DCAF8L2: variants seen among roughly 807,000 people sequenced by gnomAD.
The protein encoded by DCAF8L2 is DDB1- and CUL4-associated factor 8-like protein 2.
For synonymous variants in DCAF8L2, 200 were observed against 190.9 expected (o/e 1.05, Z -0.39); for missense variants, 430 against 490.7 (o/e 0.88, Z 1.17).
intron 2 of DCAF8L2, among the ~76,000 whole-genome samples, chrX:27,653,437 G>A (rs1199404101): frequency 9.0e-6 from 1 of 110,829 alleles, no homozygotes; most frequent in Non-Finnish European, 1.9e-5. Context: ...GATCACCTAT[G>A]GTTATTTTTT....
the DCAF8L2 span, among the ~76,000 whole-genome samples, chrX:27,551,864 T>C: frequency 3.6e-5 from 4 of 112,069 alleles, no homozygotes; most frequent in Non-Finnish European, 5.6e-5. Context: ...GTTTAATTGT[T>C]GGATCATATG....
chrX:27,585,803 CCTTGTGGTT>C (rs200991660), upstream of DCAF8L2, among the ~76,000 whole-genome samples: 20 of 111,473 alleles, frequency 1.8e-4, no homozygotes, highest in East Asian at 5.7e-3. Context: ...TTTAAATGGT[CCTTGTGGTT>C]CTTACCTTCC....
intron 1 of DCAF8L2, among the ~76,000 whole-genome samples, chrX:27,606,410 G>A (rs1262389284): frequency 8.7e-5 from 6 of 69,034 alleles, no homozygotes; most frequent in African/African-American, 4.7e-4. Flanking sequence ...TCACTCTGTC[G>A]CCCAGGCTGG....
upstream of DCAF8L2, among the ~76,000 whole-genome samples, chrX:27,587,982 AAAAATAT>A (rs1246014816): frequency 0.11 from 3,771 of 33,102 alleles, 85 homozygotes; most frequent in South Asian, 0.3. Flanking sequence ...CATTAAAAAA[AAAAATAT>A]ATATATATAT....
intron 4 of DCAF8L2, among the ~76,000 whole-genome samples, chrX:27,732,227 C>G (rs942896193): frequency 9.0e-6 from 1 of 111,419 alleles, no homozygotes; most frequent in African/African-American, 3.3e-5. Context: ...CATAAGATCT[C>G]TGGAATTCTT....
chrX:27,609,838 A>T (rs1424775887), intron 1 of DCAF8L2, among the ~76,000 whole-genome samples: 12 of 111,786 alleles, frequency 1.1e-4, no homozygotes, highest in Non-Finnish European at 2.1e-4. Context: ...AACTTTAATT[A>T]TGTTGTCTGA....
the DCAF8L2 span, among the ~76,000 whole-genome samples, chrX:27,534,882 A>G: frequency 4.5e-5 from 5 of 111,525 alleles, no homozygotes; most frequent in African/African-American, 9.8e-5. Context: ...TTTCTTCTCA[A>G]TTTTCCATAG....
chrX:27,604,442 C>A (rs1312528358), intron 1 of DCAF8L2, among the ~76,000 whole-genome samples: 1 of 111,274 alleles, frequency 9.0e-6, no homozygotes, highest in African/African-American at 3.3e-5. Flanking sequence ...CTGTTACTGT[C>A]TCTTCATACT....
intron 4 of DCAF8L2, among the ~76,000 whole-genome samples, chrX:27,738,158 T>C (rs1445576206): frequency 9.0e-6 from 1 of 111,553 alleles, no homozygotes; most frequent in Non-Finnish European, 1.9e-5. Flanking sequence ...CTGGAAGGTT[T>C]TGTCTAAAAA....
intron 2 of DCAF8L2, among the ~76,000 whole-genome samples, chrX:27,650,565 G>A (rs945818644): frequency 3.6e-5 from 4 of 111,742 alleles, no homozygotes; most frequent in East Asian, 2.8e-4. Flanking sequence ...TGCATCTATC[G>A]TAAATTGGTT....
At chrX:27,506,165 CAA>C in the DCAF8L2 span, among the ~76,000 whole-genome samples, 2 of 111,425 alleles carry the variant, frequency 1.8e-5, no homozygotes, top group African/African-American at 6.5e-5. Flanking sequence ...TCATTGAAGA[CAA>C]AGAAAAATGT....
chrX:27,646,293 G>A (rs1928934203), intron 2 of DCAF8L2, among the ~76,000 whole-genome samples: 1 of 111,601 alleles, frequency 9.0e-6, no homozygotes, highest in African/African-American at 3.3e-5. Flanking sequence ...TGACAAACTT[G>A]ACAAAAACAA....
At chrX:27,621,985 T>C (rs1268921793) in intron 1 of DCAF8L2, among the ~76,000 whole-genome samples, 1 of 108,431 alleles carries the variant, frequency 9.2e-6, no homozygotes, top group Non-Finnish European at 1.9e-5. Flanking sequence ...GAGTAAGACC[T>C]TATCTCAACA....
At chrX:27,490,067 G>A in the DCAF8L2 span, among the ~76,000 whole-genome samples, 1 of 110,744 alleles carries the variant, frequency 9.0e-6, no homozygotes. Context: ...TGTAGAGAGG[G>A]GGTCTCACTA....
At chrX:27,738,767 T>C (rs1311747117) in intron 4 of DCAF8L2, among the ~76,000 whole-genome samples, 1 of 112,389 alleles carries the variant, frequency 8.9e-6, no homozygotes, top group Non-Finnish European at 1.9e-5. Flanking sequence ...TTCTCTGAGT[T>C]GGCACTTCCA....
the DCAF8L2 span, among the ~76,000 whole-genome samples, chrX:27,499,843 G>GC: frequency 8.3e-4 from 85 of 102,544 alleles, no homozygotes; most frequent in African/African-American, 3.0e-3. Context: ...TGGTGGGGGG[G>GC]GGTACAGGGC....
Position 27,686,004 on chromosome X carries a change from G to A in DCAF8L2, c.-143+8092G>A, listed in dbSNP as rs146477171. On this transcript the variant is annotated intron_variant, in intron 3 of 4. Coordinates refer to ENST00000451261, the MANE Select transcript of DCAF8L2 (RefSeq NM_001353450.2). ...AAAATGCTCAACACTAGTAATCATC[G>A]GGGAAATGCAAATCAAAACCACAAT... Among the ~76,000 whole-genome samples, 423 of 111,304 alleles carry A rather than the reference G, an allele frequency of 3.8e-3. 5 individuals carry two copies. Among genetic ancestry groups the A allele is most frequent in the Admixed American group, 0.031 (321 of 10,489 alleles).
At chrX:27,673,016 A>T (rs1186005887) in intron 2 of DCAF8L2, among the ~76,000 whole-genome samples, 3 of 111,183 alleles carry the variant, frequency 2.7e-5, no homozygotes, top group Non-Finnish European at 3.8e-5. Flanking sequence ...GCCCTGAAGA[A>T]GTTTTGGGTA....
At chrX:27,644,144 C>A (rs1275765246) in intron 2 of DCAF8L2, among the ~76,000 whole-genome samples, 1 of 111,991 alleles carries the variant, frequency 8.9e-6, no homozygotes, top group Non-Finnish European at 1.9e-5. Flanking sequence ...ACCCTGATTT[C>A]CTTTTCTTCT....
Sources: allele counts gnomAD v4.1 joint callset (sites outside exome capture counted in the v4.1 genomes callset), GRCh38; gene constraint gnomAD v4.1.1; transcripts MANE v1.5; gene names NCBI Gene and HGNC (gene_info 2026-07-23, HGNC 2026-07-21).